The following ANTXR1 variants were observed in gnomAD, a reference collection of about 807,000 sequenced individuals.
ANTXR1 encodes the protein ANTXR cell adhesion molecule 1.
Under a neutral mutation model 78.1 loss-of-function variants are expected in ANTXR1, and 19 were observed. The observed-to-expected ratio is 0.24, with a 90% CI of 0.17 to 0.36. The LOEUF (loss-of-function observed/expected upper bound fraction) is 0.36. ANTXR1 is among the 10% of genes least tolerant of loss of function. The pLI, the probability that ANTXR1 is intolerant of heterozygous loss-of-function variation, is 1.00. For missense variants in ANTXR1, 518 were observed against 718.6 expected (o/e 0.72, Z 3.19); for synonymous variants, 273 against 260.5 (o/e 1.05, Z -0.46).
chr2:69,152,066 G>GCTCT (rs1466433970), intron 12 of ANTXR1, 103 bp from the exon 13 acceptor site: 21 of 1,171,332 alleles, frequency 1.8e-5, no homozygotes, highest in Non-Finnish European at 2.5e-5. Context: ...AAACTGTGCT[G>GCTCT]CTCTCTGAGC....
intron 3 of ANTXR1, among the ~76,000 whole-genome samples, chr2:69,068,771 G>C (rs939661495): frequency 6.6e-6 from 1 of 152,196 alleles, no homozygotes; most frequent in Non-Finnish European, 1.5e-5. Context: ...AATGGAAAAG[G>C]GGGCAAGAGG....
chr2:69,093,031 A>G (rs1274920623), intron 9 of ANTXR1, among the ~76,000 whole-genome samples: 2 of 152,240 alleles, frequency 1.3e-5, no homozygotes, highest in Non-Finnish European at 2.9e-5. Context: ...CTTGGAATGA[A>G]TCAGAAAGTC....
chr2:69,236,005 C>G (rs1675755257), intron 17 of ANTXR1, among the ~76,000 whole-genome samples: 1 of 152,096 alleles, frequency 6.6e-6, no homozygotes. Flanking sequence ...GGGAACTGCC[C>G]TTTATAAAAC....
intron 17 of ANTXR1, among the ~76,000 whole-genome samples, chr2:69,210,854 T>C (rs559674737): frequency 1.4e-5 from 2 of 147,794 alleles, no homozygotes; most frequent in South Asian, 4.2e-4. Flanking sequence ...AAGAATCACT[T>C]GAACATGGGA....
At chr2:69,098,040 C>T (rs1671486520) in intron 9 of ANTXR1, among the ~76,000 whole-genome samples, 1 of 152,128 alleles carries the variant, frequency 6.6e-6, no homozygotes, top group Admixed American at 6.5e-5. Flanking sequence ...AAAATGCAAA[C>T]TAATATACAG....
At chr2:69,129,945 A>T (rs1176531149) in intron 12 of ANTXR1, among the ~76,000 whole-genome samples, 2 of 152,176 alleles carry the variant, frequency 1.3e-5, no homozygotes, top group African/African-American at 4.8e-5. Context: ...GCCATGCCCT[A>T]AAGAGACACC....
At chr2:69,045,306 T>C (rs1573805941) in intron 3 of ANTXR1, among the ~76,000 whole-genome samples, 3 of 152,286 alleles carry the variant, frequency 2.0e-5, no homozygotes, top group Non-Finnish European at 4.4e-5. Flanking sequence ...TGTAAAAGAA[T>C]GTTGTTGATA....
At chr2:69,161,626 T>C (rs1385219923) in intron 13 of ANTXR1, among the ~76,000 whole-genome samples, 1 of 152,236 alleles carries the variant, frequency 6.6e-6, no homozygotes, top group African/African-American at 2.4e-5. Context: ...TCATCTCTCC[T>C]GGATGTTTTC....
intron 11 of ANTXR1, among the ~76,000 whole-genome samples, 153 bp from the exon 12 acceptor site, chr2:69,124,412 A>C (rs537490969): frequency 5.4e-4 from 83 of 152,322 alleles, no homozygotes; most frequent in Non-Finnish European, 9.4e-4. Context: ...ATTTTACAAA[A>C]GAGGAAACTC....
At chr2:69,245,191 C>A in intron 17 of ANTXR1, 34 bp from the exon 18 acceptor site, 1 of 1,613,598 alleles carries the variant, frequency 6.2e-7, no homozygotes, top group Non-Finnish European at 8.5e-7. Context: ...TGAGGCCGTC[C>A]GCTCACGTTT....
chr2:69,071,344 C>A (rs554075126), intron 4 of ANTXR1, among the ~76,000 whole-genome samples: 2 of 152,156 alleles, frequency 1.3e-5, no homozygotes, highest in Non-Finnish European at 2.9e-5. Context: ...AGGCTATAAA[C>A]CTATACAGCA....
At chr2:69,074,181 A>C (rs543425847) in intron 6 of ANTXR1, among the ~76,000 whole-genome samples, 1 of 152,106 alleles carries the variant, frequency 6.6e-6, no homozygotes, top group East Asian at 1.9e-4. Flanking sequence ...ATGTAGGTAA[A>C]CTCTCCTCCC....
In ANTXR1 at chr2:69,173,706, G is replaced by A. The variant is rs1183310339; in HGVS notation, c.1089+3417G>A. Reference sequence around the variant, plus strand: ...TTTACAGGCTCTCAAAGATCCTATCGTTCCCAATATCAAGCATATTTGAAA... The same window carrying A: ...TTTACAGGCTCTCAAAGATCCTATCATTCCCAATATCAAGCATATTTGAAA... On this transcript the variant is annotated intron_variant, in intron 14 of 17. Transcript: ENST00000303714. Among the ~76,000 whole-genome samples the A allele has an allele frequency of 5.9e-5, 9 of 152,242 alleles. No individual in the cohort carries two copies. The East Asian group carries it at 9.6e-4, about 16-fold the overall frequency.
At chr2:69,064,783 A>T (rs961776389) in intron 3 of ANTXR1, among the ~76,000 whole-genome samples, 2 of 152,250 alleles carry the variant, frequency 1.3e-5, no homozygotes, top group Non-Finnish European at 2.9e-5. Context: ...GTCAAAGACA[A>T]TCCATGGGTT....
intron 12 of ANTXR1, among the ~76,000 whole-genome samples, chr2:69,138,468 G>A (rs755962564): frequency 1.3e-5 from 2 of 152,162 alleles, no homozygotes; most frequent in Non-Finnish European, 2.9e-5. Context: ...TATATTGTTT[G>A]CATTCCCAGA....
At chr2:69,102,069 A>G (rs1671638917) in intron 9 of ANTXR1, among the ~76,000 whole-genome samples, 3 of 152,252 alleles carry the variant, frequency 2.0e-5, no homozygotes, top group Non-Finnish European at 4.4e-5. Context: ...TTCTATGCAG[A>G]GACAAATGAG....
At chr2:69,051,918 G>T (rs1048149595) in intron 3 of ANTXR1, among the ~76,000 whole-genome samples, 6 of 151,774 alleles carry the variant, frequency 4.0e-5, no homozygotes, top group African/African-American at 1.2e-4. Context: ...CTTGAATTTT[G>T]TTTGCACTTC....
chr2:69,142,089 C>T (rs1274659342), intron 12 of ANTXR1, among the ~76,000 whole-genome samples: 2 of 152,220 alleles, frequency 1.3e-5, no homozygotes, highest in Non-Finnish European at 2.9e-5. Context: ...GCAACTTACT[C>T]AAAGCCCACA....
At chr2:69,079,082 A>C (rs555856205) in intron 8 of ANTXR1, among the ~76,000 whole-genome samples, 140 of 152,310 alleles carry the variant, frequency 9.2e-4, no homozygotes, top group Non-Finnish European at 1.6e-3. Context: ...TTCCAATGAC[A>C]GTTGTTTTAT....
Sources: gnomAD v4.1 joint callset for allele counts (sites outside exome capture counted in the v4.1 genomes callset) on GRCh38, gnomAD v4.1.1 for gene constraint, MANE v1.5 for transcripts, NCBI Gene and HGNC (gene_info 2026-07-23, HGNC 2026-07-21) for gene names.